The following TNFRSF19 variants were observed in gnomAD, a reference collection of about 807,000 sequenced individuals.
TNFRSF19 encodes TNF receptor superfamily member 19, also known as tumor necrosis factor receptor superfamily member 19.
TNFRSF19 carries 27 observed loss-of-function variants against 46.4 expected under a neutral mutation model. That is an observed-to-expected ratio of 0.58 (90% confidence interval 0.43 to 0.80). The LOEUF (loss-of-function observed/expected upper bound fraction) is 0.80, where lower values mean the gene tolerates loss of function less well. TNFRSF19 is among the 30% of genes least tolerant of loss of function. The pLI, the probability that TNFRSF19 is intolerant of heterozygous loss-of-function variation, is 0.00. For synonymous variants in TNFRSF19, 204 were observed against 205.0 expected, an observed-to-expected ratio of 1.00 and a Z score of 0.04; for missense variants, 511 against 530.8, an observed-to-expected ratio of 0.96 and a Z score of 0.37.
intron 5 of TNFRSF19, among the ~76,000 whole-genome samples, chr13:23,632,515 A>G (rs1039996829): frequency 1.3e-5 from 2 of 152,152 alleles, no homozygotes; most frequent in South Asian, 4.1e-4. Context: ...TGGTTGGTTT[A>G]AGTTACTGTT....
intron 1 of TNFRSF19, among the ~76,000 whole-genome samples, chr13:23,573,374 A>C (rs912050258): frequency 1.3e-5 from 2 of 152,156 alleles, no homozygotes; most frequent in African/African-American, 4.8e-5. Flanking sequence ...CTGTCTAAAC[A>C]CAGTAGCTGC....
chr13:23,587,984 A>G (rs986413579), intron 1 of TNFRSF19, among the ~76,000 whole-genome samples: 2 of 152,216 alleles, frequency 1.3e-5, no homozygotes, highest in African/African-American at 4.8e-5. Flanking sequence ...GACGGATTAC[A>G]GTCTTCAAGG....
chr13:23,647,529 A>C (rs1883404250), intron 5 of TNFRSF19, among the ~76,000 whole-genome samples: 1 of 152,070 alleles, frequency 6.6e-6, no homozygotes, highest in African/African-American at 2.4e-5. Context: ...CAGCCTCCCG[A>C]GTAGCTGGGA....
At chr13:23,654,483 C>T (rs955694482) in intron 5 of TNFRSF19, among the ~76,000 whole-genome samples, 3 of 152,098 alleles carry the variant, frequency 2.0e-5, no homozygotes, top group Non-Finnish European at 2.9e-5. Context: ...CGGAGGACCC[C>T]GAACATCTCT....
At chr13:23,646,223 C>A (rs1883321370) in intron 5 of TNFRSF19, among the ~76,000 whole-genome samples, 1 of 152,202 alleles carries the variant, frequency 6.6e-6, no homozygotes, top group Admixed American at 6.5e-5. Flanking sequence ...CTGGCACCCT[C>A]CACCCTGAAG....
chr13:23,639,820 C>A (rs147228846), intron 5 of TNFRSF19, among the ~76,000 whole-genome samples: 1 of 152,136 alleles, frequency 6.6e-6, no homozygotes, highest in Non-Finnish European at 1.5e-5. Flanking sequence ...CATTTCCAAG[C>A]GCTGCACATG....
chr13:23,659,749 C>T lies in TNFRSF19; in HGVS notation c.610+535C>T, dbSNP rs562400404. 4.7e-4 allele frequency among the ~76,000 whole-genome samples: 71 copies of T among 152,266 alleles called. No homozygotes were observed. The South Asian group carries it at 7.5e-3, about 16-fold the overall frequency. The stretch of plus-strand genomic sequence containing the variant: ...CTCGAACTCCTGACCTCGTGATCCG[C>T]CTGCCTCGGCCTCCCAAAGTGCTGA... On this transcript the variant is annotated intron_variant, in intron 6 of 9. Coordinates refer to ENST00000248484, the MANE Select transcript of TNFRSF19 (RefSeq NM_148957.4). This position sits in a 1 kb window ranked among gnomAD's most constrained non-coding sequence, Gnocchi z 4.9.
chr13:23,573,919 G>A (rs7984864), intron 1 of TNFRSF19, among the ~76,000 whole-genome samples: 21,239 of 151,736 alleles, frequency 0.14, 1,822 homozygotes, highest in African/African-American at 0.23. Context: ...AAAATTAGCC[G>A]GACAAGGTGG....
chr13:23,653,167 C>A (rs536158231), intron 5 of TNFRSF19, among the ~76,000 whole-genome samples: 39 of 152,336 alleles, frequency 2.6e-4, no homozygotes, highest in African/African-American at 9.1e-4. Context: ...CACCTCCCAG[C>A]TCACAGTGAG....
At chr13:23,630,668 C>T (rs1882300235) in intron 5 of TNFRSF19, among the ~76,000 whole-genome samples, 2 of 152,184 alleles carry the variant, frequency 1.3e-5, no homozygotes, top group Non-Finnish European at 2.9e-5. Flanking sequence ...ACTTCAGTTC[C>T]TAATCACCTG....
chr13:23,666,548 T>C (rs1210050801), intron 7 of TNFRSF19, among the ~76,000 whole-genome samples: 3 of 152,252 alleles, frequency 2.0e-5, no homozygotes, highest in Non-Finnish European at 4.4e-5. Context: ...GGCTGGCTCA[T>C]GTGCCATTTT....
chr13:23,667,120 G>T lies in TNFRSF19; in HGVS notation c.737-860G>T, dbSNP rs1951649490. 6.8e-5 allele frequency among the ~76,000 whole-genome samples: 6 copies of T among 87,710 alleles called. No individual in the cohort carries two copies. In the South Asian group the frequency reaches 1.4e-3, roughly 21 times the overall value. The allele number at this position is 87,710 out of a possible 152,430, so 57.5% of individuals were successfully genotyped here. On this transcript the variant is annotated intron_variant, in intron 7 of 9. Transcript: ENST00000248484. Reference sequence around the variant, plus strand: ...TGTTTGTGGTTCTATAAATCAGAGTGATATATATATATATATATATGTATG... The same window carrying T: ...TGTTTGTGGTTCTATAAATCAGAGTTATATATATATATATATATATGTATG...
At chr13:23,591,728 C>CTTT (rs1238199379) in intron 2 of TNFRSF19, among the ~76,000 whole-genome samples, 43 of 103,638 alleles carry the variant, frequency 4.1e-4, no homozygotes, top group Middle Eastern at 5.3e-3. Flanking sequence ...TTCTTTCTTT[C>CTTT]TTTTTTTTTT....
chr13:23,645,821 G>A (rs9507130), intron 5 of TNFRSF19, among the ~76,000 whole-genome samples: 73,750 of 151,900 alleles, frequency 0.49, 18,347 homozygotes, highest in African/African-American at 0.57. Context: ...CTGGCTTAAC[G>A]GATCCACGTG....
intron 1 of TNFRSF19, among the ~76,000 whole-genome samples, chr13:23,575,217 G>T (rs1350571933): frequency 6.6e-6 from 1 of 152,188 alleles, no homozygotes; most frequent in African/African-American, 2.4e-5. Context: ...CTCATGAAAA[G>T]GGTCTAGCCA....
intron 4 of TNFRSF19, among the ~76,000 whole-genome samples, chr13:23,619,670 T>C (rs1881526474): frequency 6.6e-6 from 1 of 152,232 alleles, no homozygotes; most frequent in Admixed American, 6.5e-5. Flanking sequence ...GAACGGAACA[T>C]CTCACACACC....
At chr13:23,626,462 G>A (rs1032399471) in intron 4 of TNFRSF19, among the ~76,000 whole-genome samples, 1 of 151,140 alleles carries the variant, frequency 6.6e-6, no homozygotes. Context: ...TCCCCCACCT[G>A]CACCCCCACC....
At chr13:23,626,166 C>T (rs910457756) in intron 4 of TNFRSF19, among the ~76,000 whole-genome samples, 2 of 144,970 alleles carry the variant, frequency 1.4e-5, no homozygotes, top group Admixed American at 1.4e-4. Flanking sequence ...TTTATTTTTG[C>T]CCTTCAGATT....
At chr13:23,597,713 T>C (rs1044508503) in intron 3 of TNFRSF19, among the ~76,000 whole-genome samples, 3 of 152,088 alleles carry the variant, frequency 2.0e-5, no homozygotes, top group African/African-American at 4.8e-5. Context: ...TTCCAATCAA[T>C]AGAAAAAGAG....
Sources: allele counts gnomAD v4.1 joint callset (sites outside exome capture counted in the v4.1 genomes callset), GRCh38; gene constraint gnomAD v4.1.1; non-coding constraint Gnocchi (gnomAD v3.1); transcripts MANE v1.5; gene names NCBI Gene and HGNC (gene_info 2026-07-23, HGNC 2026-07-21).